The following EYA2 variants were observed in gnomAD, a reference collection of about 807,000 sequenced individuals.
EYA2 encodes EYA transcriptional coactivator and phosphatase 2.
In EYA2, 31 loss-of-function variants were observed where a neutral mutation model predicts 69.2. The observed-to-expected ratio is 0.45, with a 90% CI of 0.34 to 0.60. The LOEUF is 0.60. EYA2 is among the 20% of genes least tolerant of loss of function. The pLI, the probability that EYA2 is intolerant of heterozygous loss-of-function variation, is 0.02. For synonymous variants in EYA2, 257 were observed against 279.4 expected (o/e 0.92, Z 0.80); for missense variants, 622 against 701.2 (o/e 0.89, Z 1.28).
intron 4 of EYA2, among the ~76,000 whole-genome samples, chr20:47,008,988 G>GA (rs1401859309): frequency 6.6e-6 from 1 of 152,240 alleles, no homozygotes; most frequent in African/African-American, 2.4e-5. Flanking sequence ...ATTGTGGCGT[G>GA]AAAGTAGCCA....
intron 1 of EYA2, among the ~76,000 whole-genome samples, chr20:46,974,753 T>C (rs1980351425): frequency 6.6e-6 from 1 of 151,854 alleles, no homozygotes; most frequent in Admixed American, 6.6e-5. Flanking sequence ...TTTTCTTTTT[T>C]TCTTTTTAAT....
At chr20:47,002,949 TA>T (rs1982472714) in intron 3 of EYA2, among the ~76,000 whole-genome samples, 2 of 152,342 alleles carry the variant, frequency 1.3e-5, no homozygotes, top group African/African-American at 4.8e-5. Context: ...TATAATTCCA[TA>T]AACTTTTGCA....
intron 5 of EYA2, among the ~76,000 whole-genome samples, chr20:47,063,386 C>A: frequency 1.1e-5 from 1 of 93,616 alleles, no homozygotes; most frequent in Admixed American, 1.2e-4. Flanking sequence ...TGTGTGTGTG[C>A]GTGTGCGTGT....
intron 10 of EYA2, among the ~76,000 whole-genome samples, chr20:47,168,639 G>A (rs1281456201): frequency 6.6e-6 from 1 of 152,188 alleles, no homozygotes; most frequent in East Asian, 1.9e-4. Flanking sequence ...CACAGATCAT[G>A]AGGCACAGCA....
intron 1 of EYA2, among the ~76,000 whole-genome samples, chr20:46,907,603 C>T (rs1984423828): frequency 6.6e-6 from 1 of 152,214 alleles, no homozygotes; most frequent in Non-Finnish European, 1.5e-5. Context: ...CTTTGGGAAG[C>T]CAAGGCAGGC....
chr20:46,999,120 C>G (rs1206797), intron 2 of EYA2, among the ~76,000 whole-genome samples: 13,875 of 152,124 alleles, frequency 0.091, 1,975 homozygotes, highest in African/African-American at 0.3. Flanking sequence ...TATGGAATGC[C>G]AAGTTAATTC....
chr20:46,909,561 T>C (rs186169315), intron 1 of EYA2, among the ~76,000 whole-genome samples: 2 of 152,128 alleles, frequency 1.3e-5, no homozygotes, highest in African/African-American at 4.8e-5. Context: ...AAAAAGAAAA[T>C]GTATTGCCTT....
chr20:47,084,547 GAAAT>G (rs1237950936), intron 7 of EYA2, among the ~76,000 whole-genome samples: 3 of 152,040 alleles, frequency 2.0e-5, no homozygotes, highest in African/African-American at 4.8e-5. Context: ...AAAAAATAAA[GAAAT>G]AAAAATAAAG....
At position 47,135,848 on chromosome 20, in the gene EYA2, AACAAAC is replaced by A. The variant is rs1437727580; in HGVS notation, c.889-7209_889-7204del. ...AAAAAAAAAAAAAAAAAAACAAACAAACAAACAAAAAACTAATTAATTAATTAATTA... is the reference window on the plus strand; with the variant it reads ...AAAAAAAAAAAAAAAAAAACAAACAAAAAAAACTAATTAATTAATTAATTA... On this transcript the variant is annotated intron_variant, in intron 9 of 15. Coordinates refer to ENST00000327619, the MANE Select transcript of EYA2 (RefSeq NM_005244.5). Among the ~76,000 whole-genome samples, 123 of 73,262 alleles carry A rather than the reference AACAAAC, an allele frequency of 1.7e-3. 10 individuals are homozygous for A. Among genetic ancestry groups the A allele is most frequent in the African/African-American group, 0.013 (80 of 6,124 alleles). The allele number at this position is 73,262 out of a possible 152,430, so 48.1% of individuals were successfully genotyped here.
At chr20:47,052,596 G>A (rs149742261) in intron 5 of EYA2, among the ~76,000 whole-genome samples, 7 of 152,244 alleles carry the variant, frequency 4.6e-5, no homozygotes, top group African/African-American at 7.2e-5. Context: ...AAAATAGGTC[G>A]TTTTAGGAGT....
chr20:46,986,204 G>A (rs1981170681), intron 1 of EYA2, among the ~76,000 whole-genome samples: 1 of 151,366 alleles, frequency 6.6e-6, no homozygotes, highest in East Asian at 1.9e-4. Context: ...AAGAAAACAG[G>A]CACCCAGGAT....
intron 1 of EYA2, among the ~76,000 whole-genome samples, chr20:46,919,314 G>T (rs914942462): frequency 6.6e-6 from 1 of 152,222 alleles, no homozygotes; most frequent in East Asian, 1.9e-4. Context: ...CCCTAGATGG[G>T]ATCTTCTTCC....
chr20:47,089,720 G>A (rs1479712517), intron 8 of EYA2, among the ~76,000 whole-genome samples: 2 of 152,146 alleles, frequency 1.3e-5, no homozygotes, highest in African/African-American at 4.8e-5. Flanking sequence ...AGATGATTAT[G>A]ATGCTCTGGA....
chr20:47,188,009 CA>C, intron 15 of EYA2, 43 bp from the exon 16 acceptor site: 1 of 1,546,418 alleles, frequency 6.5e-7, no homozygotes, highest in Non-Finnish European at 8.8e-7. Flanking sequence ...AACCCGGGGG[CA>C]GGGGCGGGGC....
intron 1 of EYA2, among the ~76,000 whole-genome samples, chr20:46,899,569 A>G (rs565310575): frequency 6.6e-6 from 1 of 152,364 alleles, no homozygotes; most frequent in Non-Finnish European, 1.5e-5. Context: ...GCGCAGCCCA[A>G]GTCAAGTTTA....
chr20:47,009,562 C>T lies in EYA2; in HGVS notation c.298+4478C>T, dbSNP rs76851077. On this transcript the variant is annotated intron_variant, in intron 4 of 15. Transcript: ENST00000327619. Reference sequence around the variant, plus strand: ...TAAAGGGAGGTGGCTTTCCTTTCCTCTCAAAGATTCCTGTGCCCCCAAGTT... The same window carrying T: ...TAAAGGGAGGTGGCTTTCCTTTCCTTTCAAAGATTCCTGTGCCCCCAAGTT... 9.7e-3 allele frequency among the ~76,000 whole-genome samples: 1,481 copies of T among 152,294 alleles called. 22 individuals are homozygous for T. Among genetic ancestry groups the T allele is most frequent in the African/African-American group, 0.034 (1,399 of 41,546 alleles).
chr20:47,188,029 T>C (rs2034682143), intron 15 of EYA2, 24 bp from the exon 16 acceptor site: 4 of 1,554,980 alleles, frequency 2.6e-6, no homozygotes, highest in African/African-American at 2.7e-5. Context: ...GCCATAACCT[T>C]GTGGCTGGTG....
intron 5 of EYA2, among the ~76,000 whole-genome samples, chr20:47,026,099 C>T (rs1324918542): frequency 6.6e-6 from 1 of 152,250 alleles, no homozygotes; most frequent in Non-Finnish European, 1.5e-5. Context: ...TGAATACACT[C>T]ACCGATCAAT....
In EYA2 at chr20:46,990,152, G is replaced by A. The variant is rs73911842; in HGVS notation, c.109+33G>A. ...TCCTGCTGTGAGTTTGGGTCAACAG[G>A]TGTGGTGGTCCTAGGTCACCCTGAG... On this transcript the variant is annotated intron_variant, in intron 2 of 15. Transcript: ENST00000327619. 200 of 1,222,954 alleles carry A rather than the reference G, an allele frequency of 1.6e-4. No homozygotes were observed. In the African/African-American group the frequency reaches 2.8e-3, roughly 17 times the overall value. 75.8% of individuals were successfully genotyped at this position (1,222,954 alleles called of 1,614,324 possible).
Sources: gnomAD v4.1 joint callset for allele counts (sites outside exome capture counted in the v4.1 genomes callset) on GRCh38, gnomAD v4.1.1 for gene constraint, MANE v1.5 for transcripts, NCBI Gene and HGNC (gene_info 2026-07-23, HGNC 2026-07-21) for gene names.